The following NCKAP5 variants were observed in gnomAD, a reference collection of about 807,000 sequenced individuals.
NCKAP5 encodes nck-associated protein 5.
A neutral mutation model predicts 167.0 loss-of-function variants in NCKAP5; 92 were observed. That is an observed-to-expected ratio of 0.55 (90% CI 0.47 to 0.66). The LOEUF (loss-of-function observed/expected upper bound fraction) is 0.66, where lower values mean the gene tolerates loss of function less well. Among genes scored for constraint, NCKAP5 ranks in the 30% least tolerant of loss-of-function variants. The pLI is 0.00. For synonymous variants in NCKAP5, 891 were observed against 877.4 expected, an observed-to-expected ratio of 1.02 and a Z score of -0.27; for missense variants, 2,378 against 2,315.0, an observed-to-expected ratio of 1.03 and a Z score of -0.56.
chr2:133,604,107 C>T, the NCKAP5 span, among the ~76,000 whole-genome samples: 2 of 152,088 alleles, frequency 1.3e-5, no homozygotes, highest in Non-Finnish European at 2.9e-5. Context: ...TAGGTAAGGC[C>T]GGTAAGAAAT....
chr2:133,350,845 C>T (rs960100072), intron 3 of NCKAP5, among the ~76,000 whole-genome samples: 10 of 151,962 alleles, frequency 6.6e-5, no homozygotes, highest in Non-Finnish European at 1.3e-4. Context: ...TTGTTGTCTC[C>T]GCTTGGAGTG....
In NCKAP5 at chr2:132,784,638, C is replaced by T. The variant is rs767307985; in HGVS notation, c.2173G>A (p.Ala725Thr). Reference sequence around the variant, plus strand: ...TTAAAGAAAGTATAGTCTCTTGCAGCAGCTCTTGGCTGTAAACAAGCAATT... The same window carrying T: ...TTAAAGAAAGTATAGTCTCTTGCAGTAGCTCTTGGCTGTAAACAAGCAATT... ...QGIACLQPRA[A>T]ARDYTFFKRS... The change falls in exon 14 of 20, where the codon GCT (alanine) becomes ACT (threonine). Residue 725 changes from alanine to threonine, a missense_variant. Physicochemically the swap from Ala to Thr is moderately conservative, Grantham distance 58 (BLOSUM62 0). This residue lies in a region of NCKAP5 where 1,049 missense variants were observed against 1,023.4 expected (regional missense o/e 1.02). Transcript: ENST00000409261. 3 of 1,613,492 alleles carry T rather than the reference C, an allele frequency of 1.9e-6. No homozygotes were observed. Among genetic ancestry groups the T allele is most frequent in the Non-Finnish European group, 2.5e-6 (3 of 1,179,644 alleles).
chr2:133,126,710 G>T (rs1308798254), intron 6 of NCKAP5, among the ~76,000 whole-genome samples: 1 of 152,100 alleles, frequency 6.6e-6, no homozygotes, highest in South Asian at 2.1e-4. Flanking sequence ...TCTTTAAGGA[G>T]TAGTAGCCTT....
Position 133,270,422 on chromosome 2 carries a change from T to C in NCKAP5, c.143+32615A>G, listed in dbSNP as rs551205209. ...GAAGTATCACCATTTTGTATACCCA[T>C]TGAAATAACTGATGTAAATAAAGAT... On this transcript the variant is annotated intron_variant, in intron 4 of 19. Transcript: ENST00000409261. Among the ~76,000 whole-genome samples, 123 of 152,292 alleles carry C rather than the reference T, an allele frequency of 8.1e-4. 1 individual carries two copies. The highest frequency in any genetic ancestry group is 2.9e-3 in the African/African-American group (120 of 41,544).
Position 132,784,203 on chromosome 2 carries a change from C to A in NCKAP5, c.2608G>T (p.Ala870Ser), listed in dbSNP as rs745965466. ...ATCCTGGAGCTGTGCGGAAGTTGGG[C>A]GGAATGTTTTGGAATGTGTGGATCT... The part of the protein sequence containing the change: ...RSDPHIPKHS[A>S]QLPHSSRMPS... The change falls in exon 14 of 20, where the codon GCC becomes TCC. Residue 870 changes from alanine to serine, a missense_variant. Transcript: ENST00000409261. 5.1e-6 allele frequency: 8 copies of A among 1,566,148 alleles called. No homozygotes were observed. The South Asian group carries it at 8.5e-5, about 17-fold the overall frequency.
chr2:132,696,212 T>C (rs1687294228), intron 19 of NCKAP5, among the ~76,000 whole-genome samples: 1 of 152,236 alleles, frequency 6.6e-6, no homozygotes, highest in African/African-American at 2.4e-5. Flanking sequence ...TTTCATGGCT[T>C]CTATTTTGCA....
the NCKAP5 span, among the ~76,000 whole-genome samples, chr2:133,593,681 T>C: frequency 6.6e-6 from 1 of 152,220 alleles, no homozygotes; most frequent in Non-Finnish European, 1.5e-5. Context: ...TTTGTATGAG[T>C]ACATAATAGG....
chr2:133,387,787 T>C (rs1321399454), intron 3 of NCKAP5, among the ~76,000 whole-genome samples: 1 of 152,218 alleles, frequency 6.6e-6, no homozygotes. Context: ...CTTCATTTCA[T>C]TCATTTGATC....
chr2:133,078,076 A>T (rs1490388050), intron 6 of NCKAP5, among the ~76,000 whole-genome samples: 4 of 152,182 alleles, frequency 2.6e-5, no homozygotes, highest in African/African-American at 9.7e-5. Context: ...AGTTCCTCAG[A>T]TGTAAAATGA....
intron 2 of NCKAP5, among the ~76,000 whole-genome samples, chr2:133,550,133 A>T (rs1427709011): frequency 6.8e-6 from 1 of 147,666 alleles, no homozygotes; most frequent in Middle Eastern, 3.3e-3. Context: ...AGAGTCCAGG[A>T]CCAGATGGAT....
chr2:133,619,411 A>T, the NCKAP5 span, among the ~76,000 whole-genome samples: 1 of 152,036 alleles, frequency 6.6e-6, no homozygotes, highest in African/African-American at 2.4e-5. Flanking sequence ...ACAACTTCTG[A>T]AAGTCAAGGA....
intron 3 of NCKAP5, among the ~76,000 whole-genome samples, chr2:133,480,840 C>T (rs935190811): frequency 4.6e-5 from 7 of 152,054 alleles, no homozygotes; most frequent in African/African-American, 1.7e-4. Flanking sequence ...GGCAGTTGTT[C>T]GTGACAAGAT....
At chr2:133,590,399 A>C in the NCKAP5 span, among the ~76,000 whole-genome samples, 1 of 151,796 alleles carries the variant, frequency 6.6e-6, no homozygotes, top group South Asian at 2.1e-4. Flanking sequence ...GGTGGCGGGC[A>C]CCTGTAGTCA....
chr2:133,270,154 G>A (rs939432029), intron 4 of NCKAP5, among the ~76,000 whole-genome samples: 1 of 152,112 alleles, frequency 6.6e-6, no homozygotes, highest in Non-Finnish European at 1.5e-5. Flanking sequence ...TGTTTATGGT[G>A]GTGATTATTA....
intron 12 of NCKAP5, among the ~76,000 whole-genome samples, chr2:132,794,396 G>C (rs1242316698): frequency 6.7e-6 from 1 of 149,672 alleles, no homozygotes; most frequent in Non-Finnish European, 1.5e-5. Context: ...ACTTTGGGAG[G>C]CCAAGGTGGG....
intron 9 of NCKAP5, among the ~76,000 whole-genome samples, chr2:132,878,058 T>A (rs1691421379): frequency 6.6e-6 from 1 of 152,134 alleles, no homozygotes; most frequent in African/African-American, 2.4e-5. Context: ...AGGTCCTAGG[T>A]GAGAACTTGT....
the NCKAP5 span, among the ~76,000 whole-genome samples, chr2:133,647,713 A>AAAGAAAGGAAGGAAGGAAGG: frequency 0.011 from 977 of 85,716 alleles, 17 homozygotes; most frequent in East Asian, 0.056. Context: ...AAAGAAAAAG[A>AAAGAAAGGAAGGAAGGAAGG]AAGGAAGGAA....
intron 7 of NCKAP5, among the ~76,000 whole-genome samples, chr2:132,977,272 C>A (rs1215373196): frequency 1.3e-5 from 2 of 152,174 alleles, no homozygotes; most frequent in Non-Finnish European, 2.9e-5. Flanking sequence ...AACTACTTAA[C>A]TATTCTTAAG....
At chr2:133,298,484 G>A (rs1244847225) in intron 4 of NCKAP5, among the ~76,000 whole-genome samples, 4 of 152,120 alleles carry the variant, frequency 2.6e-5, no homozygotes, top group African/African-American at 9.7e-5. Context: ...TGCCTGAAAT[G>A]GAATTTTAAT....
Sources: allele counts gnomAD v4.1 joint callset (sites outside exome capture counted in the v4.1 genomes callset), GRCh38; gene constraint gnomAD v4.1.1; regional missense constraint gnomAD v4.1.1; transcripts MANE v1.5; gene names NCBI Gene and HGNC (gene_info 2026-07-23, HGNC 2026-07-21).